AKNA: variants seen among roughly 807,000 people sequenced by gnomAD.
AKNA encodes AT-hook transcription factor.
In AKNA, 67 loss-of-function variants were observed where a neutral mutation model predicts 138.8. The ratio of observed to expected loss-of-function variants is 0.48; its 90% CI spans 0.40 to 0.59. The LOEUF (loss-of-function observed/expected upper bound fraction) is 0.59. Ranked by LOEUF, AKNA falls within the 20% of genes least tolerant of loss-of-function variation. AKNA has a pLI of 0.00. For missense variants in AKNA, 1,813 were observed against 1,880.4 expected (o/e 0.96, Z 0.66); for synonymous variants, 737 against 754.4 (o/e 0.98, Z 0.38).
Position 114,359,912 on chromosome 9 carries a change from G to A in AKNA, c.2275C>T (p.His759Tyr). The change falls in exon 10 of 22, where the codon CAT (histidine) becomes TAT (tyrosine). Residue 759 changes from histidine to tyrosine, a missense_variant. Transcript: ENST00000374088. The stretch of plus-strand genomic sequence containing the variant: ...GGCACTCACCGCTCCATGAGGCCAT[G>A]GTAAACTTGCTCCATCTGCAGCTCC... ...HKELQMEQVY[H>Y]GLMERYLSVK... 1 of 1,614,186 alleles carries A rather than the reference G, an allele frequency of 6.2e-7. No individual in the cohort carries two copies. The highest frequency in any genetic ancestry group is 8.5e-7 in the Non-Finnish European group (1 of 1,180,010).
chr9:114,369,944 A>G (rs542600185), intron 4 of AKNA, among the ~76,000 whole-genome samples: 19 of 152,306 alleles, frequency 1.2e-4, no homozygotes, highest in African/African-American at 4.3e-4. Context: ...TATCGTCATC[A>G]CCATCATTAT....
Position 114,350,975 on chromosome 9 carries a change from C to G in AKNA, c.3105G>C (p.Gln1035His). The change falls in exon 15 of 22, where the codon CAG becomes CAC. Residue 1035 changes from glutamine (Q) to histidine (H), a missense_variant. Transcript: ENST00000374088. Reference protein sequence around the residue: ...EFEGHKRISEQPLPNKTISPP... With the variant: ...EFEGHKRISEHPLPNKTISPP... ...GGCTGATTGTCTTGTTGGGAAGGGG[C>G]TGTTCAGAAATCCGTTTGTGCCCCT... 3.7e-6 allele frequency: 6 copies of G among 1,613,580 alleles called. No individual in the cohort carries two copies. The highest frequency in any genetic ancestry group is 5.1e-6 in the Non-Finnish European group (6 of 1,179,910).
chr9:114,390,310 G>A (rs1470671241), upstream of AKNA, among the ~76,000 whole-genome samples: 2 of 151,728 alleles, frequency 1.3e-5, no homozygotes, highest in African/African-American at 2.4e-5. Flanking sequence ...CTACCAAACC[G>A]AAGCAGCATG....
At chr9:114,393,939 G>A (rs1022260164) in intron 1 of AKNA, among the ~76,000 whole-genome samples, 6 of 152,260 alleles carry the variant, frequency 3.9e-5, no homozygotes, top group Middle Eastern at 3.4e-3. Flanking sequence ...TTGGGAGGCT[G>A]AGGCGGGAGG....
chr9:114,352,697 C>T (rs1352598099), intron 14 of AKNA, among the ~76,000 whole-genome samples: 6 of 151,760 alleles, frequency 4.0e-5, no homozygotes, highest in African/African-American at 1.2e-4. Flanking sequence ...CCGAGGCGGG[C>T]GGGTCACAAG....
At chr9:114,395,648 C>T (rs1834508913), upstream of AKNA, among the ~76,000 whole-genome samples, 1 of 149,810 alleles carries the variant, frequency 6.7e-6, no homozygotes, top group African/African-American at 2.5e-5. Flanking sequence ...CTCCACTTGG[C>T]TCTGCCAAAA....
chr9:114,384,302 G>A (rs904487435), intron 1 of AKNA, among the ~76,000 whole-genome samples: 32 of 152,152 alleles, frequency 2.1e-4, no homozygotes, highest in African/African-American at 7.0e-4. Flanking sequence ...CAGGTACAGC[G>A]GCTCACACCT....
chr9:114,369,904 C>T (rs1416005219), intron 4 of AKNA, among the ~76,000 whole-genome samples: 1 of 152,212 alleles, frequency 6.6e-6, no homozygotes, highest in Non-Finnish European at 1.5e-5. Context: ...CCGTCATCAT[C>T]GTAACCATCA....
chr9:114,382,320 A>G (rs906261395), intron 1 of AKNA, among the ~76,000 whole-genome samples: 1 of 152,122 alleles, frequency 6.6e-6, no homozygotes, highest in African/African-American at 2.4e-5. Context: ...GCCAGGTAGG[A>G]GAGCTCACGC....
chr9:114,369,005 C>A (rs1832573929), intron 4 of AKNA, among the ~76,000 whole-genome samples: 2 of 152,074 alleles, frequency 1.3e-5, no homozygotes, highest in African/African-American at 4.8e-5. Context: ...AATTAATATA[C>A]CATATAACAT....
rs1025526749 is a variant in AKNA, at chr9:114,367,549, C to T, written c.1722G>A (p.Leu574=). 2 of 1,613,032 alleles carry T rather than the reference C, an allele frequency of 1.2e-6. No homozygotes were observed. Among genetic ancestry groups the T allele is most frequent in the Admixed American group, 1.7e-5 (1 of 59,988 alleles). The change falls in exon 6 of 22, where the codon CTG becomes CTA. Residue 574 remains leucine, a synonymous_variant. Transcript: ENST00000374088. Reference sequence around the variant, plus strand: ...AAGCTGGGAGTCCACTCACCTTGGCCAGGAACTGGCTGGCCTGAGAAGCCA... The same window carrying T: ...AAGCTGGGAGTCCACTCACCTTGGCTAGGAACTGGCTGGCCTGAGAAGCCA... The part of the protein sequence containing the change: ...QALASQASQF[L]AKVESFERLI...
chr9:114,391,438 G>C (rs1053792282), upstream of AKNA, among the ~76,000 whole-genome samples: 1 of 152,212 alleles, frequency 6.6e-6, no homozygotes. Flanking sequence ...AGAACAGAAC[G>C]TTTAAGTGGG....
At chr9:114,341,438 T>G (rs553653330) in intron 21 of AKNA, 95 bp downstream of exon 21, 1 of 1,441,554 alleles carries the variant, frequency 6.9e-7, no homozygotes, top group South Asian at 1.2e-5. Context: ...ACAGGAGGAG[T>G]ATACTGCATC....
At chr9:114,368,933 C>T (rs535481933) in intron 4 of AKNA, among the ~76,000 whole-genome samples, 1 of 152,312 alleles carries the variant, frequency 6.6e-6, no homozygotes, top group Non-Finnish European at 1.5e-5. Context: ...CTGACCCCAA[C>T]ACCTATGGTT....
Position 114,362,403 on chromosome 9 carries a change from T to A in AKNA, c.1916+3A>T, listed in dbSNP as rs747745111. On this transcript the variant is annotated splice_donor_region_variant and intron_variant, in intron 8 of 21. Transcript: ENST00000374088. ...CTTCCAGGCCTTCCACCCCAGCAGG[T>A]ACCTGCGAGGATCAAATCTTCCAGG... The A allele has an allele frequency of 6.2e-7, 1 of 1,609,864 alleles. No homozygotes were observed. Among genetic ancestry groups the A allele is most frequent in the South Asian group, 1.1e-5 (1 of 90,070 alleles).
rs758327649 is a variant in AKNA, at chr9:114,341,517, G to A, written c.4067+16C>T. On this transcript the variant is annotated intron_variant, in intron 21 of 21. Coordinates refer to ENST00000374088, the MANE Select transcript of AKNA (RefSeq NM_001317950.2). ...CTATAGAAAGAGGCTGGGAAGGTCA[G>A]AATGAAGGCTCTTACACAGCGGCAG... 2.2e-5 allele frequency: 36 copies of A among 1,613,840 alleles called. No homozygotes were observed. The highest frequency in any genetic ancestry group is 3.1e-5 in the Non-Finnish European group (36 of 1,179,956).
chr9:114,383,160 C>T, intron 1 of AKNA: 2 of 456,010 alleles, frequency 4.4e-6, no homozygotes, highest in Non-Finnish European at 8.8e-6. Context: ...TCCCCTTGGG[C>T]TGCTCTGGGA....
intron 4 of AKNA, among the ~76,000 whole-genome samples, chr9:114,372,430 C>G (rs569226380): frequency 1.3e-5 from 2 of 152,324 alleles, no homozygotes; most frequent in South Asian, 4.1e-4. Flanking sequence ...GTCACTGTGG[C>G]TGGCACACAA....
chr9:114,397,446 C>T (rs1389492951), upstream of AKNA, among the ~76,000 whole-genome samples: 1 of 152,232 alleles, frequency 6.6e-6, no homozygotes, highest in Non-Finnish European at 1.5e-5. Context: ...GGAACAATGT[C>T]TCTTTTCACT....
Sources: gnomAD v4.1 joint callset for allele counts (sites outside exome capture counted in the v4.1 genomes callset) on GRCh38, gnomAD v4.1.1 for gene constraint, MANE v1.5 for transcripts, NCBI Gene and HGNC (gene_info 2026-07-23, HGNC 2026-07-21) for gene names.